DOCK1: variants seen among roughly 807,000 people sequenced by gnomAD.
DOCK1 encodes the protein dedicator of cytokinesis 1.
A neutral mutation model predicts 262.7 loss-of-function variants in DOCK1; 138 were observed. That is an observed-to-expected ratio of 0.53 (90% CI 0.46 to 0.61). The LOEUF (loss-of-function observed/expected upper bound fraction) is 0.61. Among genes scored for constraint, DOCK1 ranks in the 20% least tolerant of loss-of-function variants. DOCK1 has a pLI of 0.00. For missense variants in DOCK1, 1,908 were observed against 2,370.7 expected (o/e 0.80, Z 4.05); for synonymous variants, 866 against 867.4 (o/e 1.00, Z 0.03).
chr10:127,413,198 G>T (rs528198751), intron 43 of DOCK1, among the ~76,000 whole-genome samples: 3 of 152,332 alleles, frequency 2.0e-5, no homozygotes, highest in African/African-American at 7.2e-5. Flanking sequence ...ATAGACACAA[G>T]GAGGTCAAGT....
chr10:127,337,350 A>G (rs1007568372), intron 29 of DOCK1, among the ~76,000 whole-genome samples: 1 of 152,198 alleles, frequency 6.6e-6, no homozygotes, highest in Non-Finnish European at 1.5e-5. Flanking sequence ...GACAGACCCC[A>G]TCCCAAGACT....
intron 27 of DOCK1, among the ~76,000 whole-genome samples, chr10:127,143,641 A>G (rs2051494039): frequency 6.6e-6 from 1 of 152,168 alleles, no homozygotes; most frequent in Admixed American, 6.5e-5. Context: ...CATTGGCGCC[A>G]ACTTGGCCGG....
chr10:127,438,914 A>T, intron 48 of DOCK1, 113 bp from the exon 49 acceptor site: 1 of 1,172,150 alleles, frequency 8.5e-7, no homozygotes, highest in African/African-American at 1.6e-5. Flanking sequence ...CCTCCCTTTT[A>T]AATCACTGCT....
chr10:127,148,284 C>T (rs1257280206), intron 27 of DOCK1, among the ~76,000 whole-genome samples: 1 of 152,156 alleles, frequency 6.6e-6, no homozygotes, highest in African/African-American at 2.4e-5. Flanking sequence ...AGAAATGAAG[C>T]AGACACAGCG....
intron 17 of DOCK1, 141 bp downstream of exon 17, chr10:127,031,894 A>G: frequency 1.1e-6 from 1 of 900,228 alleles, no homozygotes; most frequent in East Asian, 2.5e-5. Context: ...AACATTTCCA[A>G]TGACCAGCCC....
intron 27 of DOCK1, among the ~76,000 whole-genome samples, chr10:127,229,384 T>TCCCCGGTCC (rs1450111774): frequency 6.6e-6 from 1 of 152,194 alleles, no homozygotes; most frequent in Admixed American, 6.5e-5. Context: ...GACCATCGTC[T>TCCCCGGTCC]CCCCGGTCCC....
At chr10:127,388,340 A>G (rs1390364588) in intron 38 of DOCK1, among the ~76,000 whole-genome samples, 1 of 152,206 alleles carries the variant, frequency 6.6e-6, no homozygotes, top group African/African-American at 2.4e-5. Context: ...TATCCATAAT[A>G]TTTCCACGAG....
At chr10:126,907,130 C>T (rs1175179839) in intron 1 of DOCK1, among the ~76,000 whole-genome samples, 1 of 2,910 alleles carries the variant, frequency 3.4e-4, no homozygotes, top group African/African-American at 4.1e-4. Context: ...GCATCAGAGG[C>T]GAGAGGTTCG....
At chr10:127,370,310 T>C (rs185725861) in intron 33 of DOCK1, among the ~76,000 whole-genome samples, 3 of 152,276 alleles carry the variant, frequency 2.0e-5, no homozygotes, top group Non-Finnish European at 2.9e-5. Context: ...ATCATGTCCA[T>C]AGATTTCAGA....
intron 49 of DOCK1, among the ~76,000 whole-genome samples, chr10:127,442,989 C>G (rs1181707227): frequency 6.6e-6 from 1 of 152,246 alleles, no homozygotes; most frequent in African/African-American, 2.4e-5. Flanking sequence ...CTGGGCGGCT[C>G]CAACCCCAGA....
intron 27 of DOCK1, among the ~76,000 whole-genome samples, chr10:127,160,243 G>A (rs1202469668): frequency 1.3e-5 from 2 of 152,164 alleles, no homozygotes; most frequent in Non-Finnish European, 2.9e-5. Context: ...TAATTTTACA[G>A]TACCTAATAG....
At chr10:127,269,789 A>G (rs1188909786) in intron 29 of DOCK1, among the ~76,000 whole-genome samples, 2 of 152,224 alleles carry the variant, frequency 1.3e-5, no homozygotes, top group African/African-American at 2.4e-5. Flanking sequence ...AGACTGCAGA[A>G]CTGGTTGCTC....
chr10:127,028,717 C>T (rs1363206039), intron 16 of DOCK1, among the ~76,000 whole-genome samples: 2 of 152,202 alleles, frequency 1.3e-5, no homozygotes, highest in African/African-American at 4.8e-5. Context: ...GATTAGTTTG[C>T]AAGAACCAGC....
Position 127,232,123 on chromosome 10 carries a change from T to A in DOCK1, c.2848-15885T>A, listed in dbSNP as rs976845601. 2.6e-5 allele frequency among the ~76,000 whole-genome samples: 4 copies of A among 151,012 alleles called. No homozygotes were observed. In the East Asian group the frequency reaches 7.9e-4, roughly 30 times the overall value. On this transcript the variant is annotated intron_variant, in intron 27 of 51. Coordinates refer to ENST00000623213, the MANE Select transcript of DOCK1 (RefSeq NM_001290223.2). The stretch of plus-strand genomic sequence containing the variant: ...CGTTCCGTAGAGGGTACAGGTAGAG[T>A]ACAATCCTGAAGGGTGCAGACCTTT...
chr10:127,397,378 A>G (rs368311565), intron 38 of DOCK1, among the ~76,000 whole-genome samples: 44 of 128,542 alleles, frequency 3.4e-4, no homozygotes, highest in Middle Eastern at 5.2e-3. Context: ...TTACACGGGC[A>G]GTGTCTCCTA....
At chr10:127,390,011 AAC>A (rs148915340) in intron 38 of DOCK1, among the ~76,000 whole-genome samples, 70,484 of 131,314 alleles carry the variant, frequency 0.54, 17,509 homozygotes, top group African/African-American at 0.62. Context: ...CTCTGTCTCA[AAC>A]AAAAAAAAAA....
rs546749032 is a variant in DOCK1 at position 127,138,856 on chromosome 10, A to G, written c.2847+11092A>G. On this transcript the variant is annotated intron_variant, in intron 27 of 51. Transcript: ENST00000623213. The stretch of plus-strand genomic sequence containing the variant: ...TCCGAAAATTGCTGTCAACTTGTCT[A>G]GAGCCCTCTCGTCTCCATGTCTTTG... Among the ~76,000 whole-genome samples, 5 of 152,346 alleles carry G rather than the reference A, an allele frequency of 3.3e-5. No homozygotes were observed. In the East Asian group the frequency reaches 9.6e-4, roughly 29 times the overall value.
chr10:127,031,298 G>A (rs2043222504), intron 16 of DOCK1, among the ~76,000 whole-genome samples: 1 of 152,064 alleles, frequency 6.6e-6, no homozygotes, highest in Non-Finnish European at 1.5e-5. Flanking sequence ...AGTTACTCTC[G>A]CTTTCTAGTG....
chr10:127,438,960 T>A (rs1402266373), intron 48 of DOCK1, 67 bp from the exon 49 acceptor site: 1 of 1,449,312 alleles, frequency 6.9e-7, no homozygotes, highest in African/African-American at 1.4e-5. Flanking sequence ...TGTGAGTGAC[T>A]TTACACGTGT....
Sources: gnomAD v4.1 joint callset for allele counts (sites outside exome capture counted in the v4.1 genomes callset) on GRCh38, gnomAD v4.1.1 for gene constraint, MANE v1.5 for transcripts, NCBI Gene and HGNC (gene_info 2026-07-23, HGNC 2026-07-21) for gene names.